Variants in OTOGL observed in about 807,000 individuals in gnomAD.
OTOGL encodes otogelin-like protein.
OTOGL carries 285 observed loss-of-function variants against 318.5 expected under a neutral mutation model. That is an observed-to-expected ratio of 0.89 (90% CI 0.81 to 0.99). The LOEUF (loss-of-function observed/expected upper bound fraction) is 0.99, where lower values mean the gene tolerates loss of function less well. OTOGL is among the 50% of genes least tolerant of loss of function. The pLI is 0.00. For missense variants in OTOGL, 2,899 were observed against 2,845.6 expected (o/e 1.02, Z -0.43); for synonymous variants, 987 against 936.5 (o/e 1.05, Z -0.99).
chr12:80,248,616 CT>C (rs1881152988), intron 11 of OTOGL, among the ~76,000 whole-genome samples: 1 of 124,984 alleles, frequency 8.0e-6, no homozygotes, highest in African/African-American at 3.5e-5. Flanking sequence ...TTCATTTCAA[CT>C]TTGGTGAATC....
At chr12:80,166,850 G>A (rs183243750) in intron 1 of OTOGL, among the ~76,000 whole-genome samples, 5 of 152,148 alleles carry the variant, frequency 3.3e-5, no homozygotes, top group South Asian at 2.1e-4. Context: ...AATAAAGCAC[G>A]AATTGGAGAC....
chr12:80,316,363 C>T (rs1370704550), intron 32 of OTOGL, among the ~76,000 whole-genome samples: 1 of 152,142 alleles, frequency 6.6e-6, no homozygotes, highest in African/African-American at 2.4e-5. Flanking sequence ...CCATCTGTGC[C>T]TTTGTATTTT....
At chr12:80,100,901 C>T (rs1427896031) in intron 1 of OTOGL, among the ~76,000 whole-genome samples, 1 of 151,938 alleles carries the variant, frequency 6.6e-6, no homozygotes, top group Non-Finnish European at 1.5e-5. Context: ...AATGCTAGTA[C>T]ATTTTAACAA....
Position 80,336,530 on chromosome 12 carries a change from A to G in OTOGL, c.4718A>G (p.His1573Arg), listed in dbSNP as rs760190704. Residue 1573 changes from histidine to arginine, a missense_variant, in exon 40 of 59, where the codon CAT (histidine) becomes CGT (arginine). Physicochemically the swap from His to Arg is conservative, Grantham distance 29 (BLOSUM62 0). Transcript: ENST00000547103. ...ATTCCTGGTGAAATTATAGTTGCTC[A>G]TATCGAAAAATGTTCCATGAATCAG... ...VRIPGEIIVA[H>R]IEKCSMNQNG... 25 of 1,608,514 alleles carry G rather than the reference A, an allele frequency of 1.6e-5. No homozygotes were observed. Among genetic ancestry groups the G allele is most frequent in the Admixed American group, 1.7e-5 (1 of 59,384 alleles).
intron 28 of OTOGL, among the ~76,000 whole-genome samples, chr12:80,303,278 C>T (rs1184598146): frequency 6.6e-6 from 1 of 152,164 alleles, no homozygotes; most frequent in Admixed American, 6.5e-5. Flanking sequence ...GCCTCAGCCT[C>T]CGGAGTAGCT....
chr12:80,243,095 A>G (rs1219848833), intron 11 of OTOGL, among the ~76,000 whole-genome samples: 1 of 152,080 alleles, frequency 6.6e-6, no homozygotes, highest in Non-Finnish European at 1.5e-5. Flanking sequence ...ATCCAAATAG[A>G]ACAAATCTAA....
Position 80,257,980 on chromosome 12 carries a change from G to A in OTOGL, c.1867G>A (p.Gly623Ser). 2 of 1,586,922 alleles carry A rather than the reference G, an allele frequency of 1.3e-6. No homozygotes were observed. The highest frequency in any genetic ancestry group is 1.7e-6 in the Non-Finnish European group (2 of 1,175,994). ...ATTAGGTCTGTGTGGCACTTTTAATGGCAACATAAGGGATGATTTTCTGTA... is the reference window on the plus strand; with the variant it reads ...ATTAGGTCTGTGTGGCACTTTTAATAGCAACATAAGGGATGATTTTCTGTA... ...RTLGLCGTFN[G>S]NIRDDFLSPS... The change falls in exon 18 of 59, where the codon GGC becomes AGC. Residue 623 changes from glycine to serine, a missense_variant. Around this residue, in one of 3 missense-constraint regions of OTOGL, gnomAD observed 2,607 missense variants for 2,524.9 expected, o/e 1.03. Transcript: ENST00000547103.
intron 1 of OTOGL, among the ~76,000 whole-genome samples, chr12:80,181,363 T>C (rs1340221171): frequency 6.6e-6 from 1 of 151,486 alleles, no homozygotes; most frequent in Non-Finnish European, 1.5e-5. Context: ...CTGTAATAAT[T>C]ACCTTACAGC....
chr12:80,228,014 A>G (rs1454448441), intron 7 of OTOGL, among the ~76,000 whole-genome samples: 3 of 152,204 alleles, frequency 2.0e-5, no homozygotes, highest in Middle Eastern at 3.2e-3. Context: ...TCATGAGGGC[A>G]GATAGTTTTG....
At chr12:80,143,686 A>C (rs772678189) in intron 1 of OTOGL, among the ~76,000 whole-genome samples, 31 of 152,158 alleles carry the variant, frequency 2.0e-4, no homozygotes, top group Admixed American at 5.2e-4. Flanking sequence ...GAGCAGAAGA[A>C]GACGTTTGAC....
At chr12:80,112,987 G>A (rs1869942557) in intron 1 of OTOGL, among the ~76,000 whole-genome samples, 1 of 152,032 alleles carries the variant, frequency 6.6e-6, no homozygotes, top group Non-Finnish European at 1.5e-5. Context: ...GTCTTGGGAA[G>A]GTGTATGTGT....
chr12:80,254,670 G>C (rs1036168463), intron 15 of OTOGL, 100 bp downstream of exon 15: 26 of 929,156 alleles, frequency 2.8e-5, no homozygotes, highest in African/African-American at 6.7e-5. Context: ...TATATACCAA[G>C]GGCTACAATA....
chr12:80,275,965 GCTTTA>G (rs67225959), intron 24 of OTOGL, among the ~76,000 whole-genome samples: 138,223 of 151,428 alleles, frequency 0.91, 63,169 homozygotes, highest in Admixed American at 0.94. Context: ...CAAAAAATCT[GCTTTA>G]TTGACTTGCT....
chr12:80,371,222 A>G (rs1306624083), intron 56 of OTOGL, among the ~76,000 whole-genome samples: 1 of 152,164 alleles, frequency 6.6e-6, no homozygotes, highest in Non-Finnish European at 1.5e-5. Flanking sequence ...ATTTGTGAAC[A>G]TAATATAATT....
At chr12:80,168,504 CT>C (rs1292530495) in intron 1 of OTOGL, among the ~76,000 whole-genome samples, 3 of 152,126 alleles carry the variant, frequency 2.0e-5, no homozygotes. Flanking sequence ...TAAAAGTCAA[CT>C]GCTGATGGAT....
intron 1 of OTOGL, chr12:80,132,809 G>A (rs1314836476): frequency 6.6e-6 from 1 of 152,128 alleles, no homozygotes; most frequent in Non-Finnish European, 1.5e-5. Context: ...CTAAATGAAC[G>A]AAGATTCTCT....
chr12:80,217,531 C>T lies in OTOGL; in HGVS notation c.169-67C>T. ...ATTTGTAGTTATTTTCTAGATTTGC[C>T]AATTTGCATGTTTGGCTTGAATTAA... On this transcript the variant is annotated intron_variant, in intron 4 of 58. Transcript: ENST00000547103. 8 of 1,105,776 alleles carry T rather than the reference C, an allele frequency of 7.2e-6. No individual in the cohort carries two copies. The South Asian group carries it at 9.9e-5, about 14-fold the overall frequency. 68.5% of individuals were successfully genotyped at this position (1,105,776 alleles called of 1,614,324 possible). A position where few individuals can be genotyped will look rare whatever the true frequency, so the allele number is the denominator to read the frequency against.
chr12:80,299,019 A>G (rs1395654098), intron 27 of OTOGL, among the ~76,000 whole-genome samples: 3 of 152,118 alleles, frequency 2.0e-5, no homozygotes, highest in Admixed American at 6.5e-5. Context: ...AATCATGTGG[A>G]ATTTTTCTTG....
At chr12:80,174,460 C>T (rs568048329) in intron 1 of OTOGL, among the ~76,000 whole-genome samples, 11 of 152,232 alleles carry the variant, frequency 7.2e-5, no homozygotes, top group Non-Finnish European at 1.6e-4. Context: ...TAAAGGGCAG[C>T]AAGAACAATT....
Sources: allele counts gnomAD v4.1 joint callset (sites outside exome capture counted in the v4.1 genomes callset), GRCh38; gene constraint gnomAD v4.1.1; regional missense constraint gnomAD v4.1.1; transcripts MANE v1.5; gene names NCBI Gene and HGNC (gene_info 2026-07-23, HGNC 2026-07-21).